The following OXR1 variants were observed in gnomAD, a reference collection of about 807,000 sequenced individuals.
The protein encoded by OXR1 is oxidation resistance protein 1.
A neutral mutation model predicts 104.6 loss-of-function variants in OXR1; 41 were observed. That is an observed-to-expected ratio of 0.39 (90% confidence interval 0.31 to 0.51). OXR1 has a LOEUF of 0.51. Among genes scored for constraint, OXR1 ranks in the 20% least tolerant of loss-of-function variants. The pLI, the probability that OXR1 is intolerant of heterozygous loss-of-function variation, is 0.77. For missense variants in OXR1, 955 were observed against 1,031.9 expected (o/e 0.93, Z 1.02); for synonymous variants, 348 against 348.4 (o/e 1.00, Z 0.01).
At chr8:106,528,778 T>C (rs945768471) in intron 3 of OXR1, among the ~76,000 whole-genome samples, 1 of 152,266 alleles carries the variant, frequency 6.6e-6, no homozygotes, top group Non-Finnish European at 1.5e-5. Context: ...AGGTCACCAC[T>C]GACCTGGAAC....
chr8:106,491,699 C>A (rs1563558188), intron 2 of OXR1, among the ~76,000 whole-genome samples: 1 of 152,154 alleles, frequency 6.6e-6, no homozygotes, highest in South Asian at 2.1e-4. Flanking sequence ...AGAAGAACCA[C>A]CTCCAGGGGC....
chr8:106,535,395 AAAG>A (rs537822675), intron 3 of OXR1, among the ~76,000 whole-genome samples: 265 of 152,302 alleles, frequency 1.7e-3, no homozygotes, highest in African/African-American at 5.9e-3. Flanking sequence ...CCCCCTCTGG[AAAG>A]AAGGAGAGAA....
rs934875927 is a variant in OXR1, at chr8:106,751,098, T to A, written c.*157T>A. 10 of 543,072 alleles carry A rather than the reference T, an allele frequency of 1.8e-5. No homozygotes were observed. Among genetic ancestry groups the A allele is most frequent in the African/African-American group, 1.6e-4 (8 of 51,110 alleles). 33.6% of individuals were successfully genotyped at this position (543,072 alleles called of 1,614,324 possible). A position where few individuals can be genotyped will look rare whatever the true frequency, so the allele number is the denominator to read the frequency against. On this transcript the variant is annotated 3_prime_UTR_variant, in exon 17 of 17. Transcript: ENST00000517566. ...TACAGTTATAATTTTGGAGTTTATT[T>A]TTCAAATCATGTTCTTGTCCCAGAG...
chr8:106,446,270 G>GAAATAA (rs1343797228), intron 2 of OXR1, among the ~76,000 whole-genome samples: 1 of 152,064 alleles, frequency 6.6e-6, no homozygotes, highest in African/African-American at 2.4e-5. Context: ...AAATACCCTG[G>GAAATAA]GGCTATCCTG....
At chr8:106,473,437 T>A (rs557567793) in intron 2 of OXR1, among the ~76,000 whole-genome samples, 18 of 152,052 alleles carry the variant, frequency 1.2e-4, no homozygotes, top group African/African-American at 3.6e-4. Context: ...AAGTACCTCA[T>A]GTTTTCGTTA....
At chr8:106,593,007 C>T (rs1470039050) in intron 3 of OXR1, among the ~76,000 whole-genome samples, 1 of 152,144 alleles carries the variant, frequency 6.6e-6, no homozygotes, top group Admixed American at 6.5e-5. Context: ...GAATCCCTTC[C>T]TTGAGTCCTC....
intron 3 of OXR1, among the ~76,000 whole-genome samples, chr8:106,573,415 T>G (rs1203126794): frequency 2.6e-5 from 4 of 151,848 alleles, no homozygotes; most frequent in African/African-American, 9.7e-5. Flanking sequence ...CTTTCAGGAA[T>G]TAAATTCAAG....
chr8:106,622,696 C>T (rs1821822184), intron 3 of OXR1, among the ~76,000 whole-genome samples: 1 of 152,170 alleles, frequency 6.6e-6, no homozygotes, highest in Non-Finnish European at 1.5e-5. Context: ...GTGAGACCTT[C>T]CCTGGCCACT....
chr8:106,482,412 T>C (rs1284969677), intron 2 of OXR1, among the ~76,000 whole-genome samples: 3 of 15,210 alleles, frequency 2.0e-4, no homozygotes, highest in Non-Finnish European at 7.7e-4. Context: ...AGTTAGGAAC[T>C]GGGGGAAAAA....
intron 2 of OXR1, among the ~76,000 whole-genome samples, chr8:106,401,502 G>A (rs1197356439): frequency 6.6e-6 from 1 of 152,028 alleles, no homozygotes; most frequent in Non-Finnish European, 1.5e-5. Flanking sequence ...TGGCAGCTCT[G>A]AAATTTTAAG....
chr8:106,324,279 A>C (rs111475980), intron 1 of OXR1, among the ~76,000 whole-genome samples: 34,390 of 152,094 alleles, frequency 0.23, 5,698 homozygotes, highest in African/African-American at 0.47. Context: ...CCAATACTGC[A>C]TGTTCTCACT....
intron 1 of OXR1, among the ~76,000 whole-genome samples, chr8:106,294,887 A>G (rs1208871767): frequency 6.6e-6 from 1 of 152,092 alleles, no homozygotes; most frequent in East Asian, 1.9e-4. Context: ...TCTTTTAACC[A>G]TTCTACATGT....
At chr8:106,309,451 C>A (rs1469499941) in intron 1 of OXR1, among the ~76,000 whole-genome samples, 1 of 152,140 alleles carries the variant, frequency 6.6e-6, no homozygotes, top group Non-Finnish European at 1.5e-5. Flanking sequence ...CAGGAACCCA[C>A]TCCAGGATAC....
At chr8:106,672,004 TAAA>T (rs144663400) in intron 3 of OXR1, among the ~76,000 whole-genome samples, 15,139 of 140,964 alleles carry the variant, frequency 0.11, 948 homozygotes, top group East Asian at 0.27. Flanking sequence ...ATAATAATAA[TAAA>T]AGGCTGTGAG....
At chr8:106,613,203 G>A (rs2130807149) in intron 3 of OXR1, among the ~76,000 whole-genome samples, 1 of 152,252 alleles carries the variant, frequency 6.6e-6, no homozygotes, top group Admixed American at 6.5e-5. Context: ...GAAATGAAAA[G>A]GGCTGTTTGG....
At chr8:106,588,848 T>C (rs2130680283) in intron 3 of OXR1, among the ~76,000 whole-genome samples, 1 of 152,374 alleles carries the variant, frequency 6.6e-6, no homozygotes, top group Middle Eastern at 3.4e-3. Context: ...CTATCAGGGC[T>C]TGTATATCTC....
chr8:106,558,586 G>A (rs981477561), intron 3 of OXR1, among the ~76,000 whole-genome samples: 1 of 152,166 alleles, frequency 6.6e-6, no homozygotes, highest in Non-Finnish European at 1.5e-5. Context: ...TCCTTTTCCT[G>A]TCCAGGTTGC....
At chr8:106,280,982 A>C (rs1047870360) in intron 1 of OXR1, among the ~76,000 whole-genome samples, 2 of 152,120 alleles carry the variant, frequency 1.3e-5, no homozygotes, top group African/African-American at 4.8e-5. Context: ...CTTTGGTTCC[A>C]CAGGTGTGCA....
chr8:106,590,831 G>A (rs1449738227), intron 3 of OXR1, among the ~76,000 whole-genome samples: 1 of 152,152 alleles, frequency 6.6e-6, no homozygotes. Context: ...GCCTCACCTG[G>A]GTCTAGCTCA....
Sources: allele counts gnomAD v4.1 joint callset (sites outside exome capture counted in the v4.1 genomes callset), GRCh38; gene constraint gnomAD v4.1.1; transcripts MANE v1.5; gene names NCBI Gene and HGNC (gene_info 2026-07-23, HGNC 2026-07-21).